Variants in DOCK3 observed in about 807,000 individuals in gnomAD.
The protein encoded by DOCK3 is dedicator of cytokinesis protein 3.
DOCK3 carries 60 observed loss-of-function variants against 265.6 expected under a neutral mutation model. The ratio of observed to expected loss-of-function variants is 0.23; its 90% confidence interval spans 0.18 to 0.28. DOCK3 has a LOEUF of 0.28. DOCK3 is among the 10% of genes least tolerant of loss of function. The pLI is 1.00. For missense variants in DOCK3, 1,981 were observed against 2,594.3 expected, an observed-to-expected ratio of 0.76 and a Z score of 5.14; for synonymous variants, 881 against 938.0, an observed-to-expected ratio of 0.94 and a Z score of 1.11.
chr3:50,982,066 C>T (rs943904968), intron 5 of DOCK3, among the ~76,000 whole-genome samples: 3 of 152,074 alleles, frequency 2.0e-5, no homozygotes, highest in African/African-American at 4.8e-5. Context: ...CCAGGCTGAT[C>T]TTGAACTCTT....
intron 12 of DOCK3, among the ~76,000 whole-genome samples, chr3:51,188,877 T>C (rs1317300815): frequency 6.6e-6 from 1 of 152,224 alleles, no homozygotes; most frequent in Non-Finnish European, 1.5e-5. Flanking sequence ...ATATCTTTGC[T>C]ATTGTGAATA....
intron 2 of DOCK3, among the ~76,000 whole-genome samples, chr3:50,785,304 T>C (rs1054748594): frequency 2.6e-5 from 4 of 152,230 alleles, no homozygotes; most frequent in South Asian, 2.1e-4. Context: ...TCGGATGTCC[T>C]TTATTTCTTT....
At chr3:51,355,209 GT>G (rs2086281815) in intron 41 of DOCK3, among the ~76,000 whole-genome samples, 186 bp downstream of exon 41, 1 of 152,234 alleles carries the variant, frequency 6.6e-6, no homozygotes, top group African/African-American at 2.4e-5. Flanking sequence ...AGAGGAAGCA[GT>G]GGCACGCCCT....
chr3:50,694,509 T>G (rs1172669777), intron 1 of DOCK3, among the ~76,000 whole-genome samples: 2 of 151,810 alleles, frequency 1.3e-5, no homozygotes, highest in Non-Finnish European at 2.9e-5. Context: ...TGGAGCGCAT[T>G]AAAGAATGGG....
intron 9 of DOCK3, among the ~76,000 whole-genome samples, chr3:51,117,984 T>A (rs1337292173): frequency 6.6e-6 from 1 of 152,194 alleles, no homozygotes; most frequent in East Asian, 1.9e-4. Context: ...CTGAGTTATT[T>A]CTTGTTTTCT....
intron 19 of DOCK3, among the ~76,000 whole-genome samples, chr3:51,234,652 T>A (rs540861340): frequency 6.6e-6 from 1 of 152,338 alleles, no homozygotes; most frequent in South Asian, 2.1e-4. Context: ...CTCATTAACT[T>A]GTACCTGCTG....
chr3:50,804,590 C>T (rs2043294196), intron 2 of DOCK3, among the ~76,000 whole-genome samples: 1 of 152,124 alleles, frequency 6.6e-6, no homozygotes, highest in Non-Finnish European at 1.5e-5. Context: ...TATACGAAAA[C>T]CAGTCAGGCG....
chr3:50,861,183 G>A (rs1160813812), intron 3 of DOCK3, among the ~76,000 whole-genome samples: 1 of 152,086 alleles, frequency 6.6e-6, no homozygotes, highest in Non-Finnish European at 1.5e-5. Flanking sequence ...GTGGGTCGTT[G>A]TCCTGTCTTG....
At position 51,063,251 on chromosome 3, in the gene DOCK3, C is replaced by T. The variant is rs143728021; in HGVS notation, c.316-1197C>T. ...ATATTAGCCAGGCCTGTAATCCGAGCCACTCAGGAGGCTGAGTTGAGGGGA... is the reference window on the plus strand; with the variant it reads ...ATATTAGCCAGGCCTGTAATCCGAGTCACTCAGGAGGCTGAGTTGAGGGGA... On this transcript the variant is annotated intron_variant, in intron 5 of 52. Transcript: ENST00000266037. 8.8e-3 allele frequency among the ~76,000 whole-genome samples: 1,331 copies of T among 152,064 alleles called. 25 individuals are homozygous for T. Among genetic ancestry groups the T allele is most frequent in the African/African-American group, 0.029 (1,186 of 41,438 alleles).
At chr3:51,026,328 C>G (rs979556624) in intron 5 of DOCK3, among the ~76,000 whole-genome samples, 1 of 151,660 alleles carries the variant, frequency 6.6e-6, no homozygotes, top group African/African-American at 2.4e-5. Context: ...GGAATAAAGC[C>G]CATTTGATCA....
chr3:50,710,214 G>A (rs2036665587), intron 1 of DOCK3, among the ~76,000 whole-genome samples: 1 of 152,118 alleles, frequency 6.6e-6, no homozygotes, highest in Admixed American at 6.6e-5. Flanking sequence ...GAAATAATCA[G>A]CAGAGTAAAC....
intron 10 of DOCK3, among the ~76,000 whole-genome samples, chr3:51,152,812 G>T (rs762892754): frequency 6.6e-6 from 1 of 152,196 alleles, no homozygotes; most frequent in Admixed American, 6.5e-5. Context: ...GTTTGCCTGA[G>T]TATCACCAGC....
At chr3:51,220,707 G>GTA (rs1480666363) in intron 14 of DOCK3, among the ~76,000 whole-genome samples, 6 of 130,450 alleles carry the variant, frequency 4.6e-5, no homozygotes, top group East Asian at 2.8e-4. Context: ...GTGTGTGTGT[G>GTA]TGTATATATA....
At chr3:51,341,128 C>T in intron 37 of DOCK3, 109 bp from the exon 38 acceptor site, 1 of 1,358,720 alleles carries the variant, frequency 7.4e-7, no homozygotes, top group Non-Finnish European at 9.8e-7. Flanking sequence ...ACCTGGGCTG[C>T]ACATGACTTG....
intron 22 of DOCK3, among the ~76,000 whole-genome samples, chr3:51,254,905 T>G (rs1174144704): frequency 6.6e-6 from 1 of 152,230 alleles, no homozygotes; most frequent in Non-Finnish European, 1.5e-5. Flanking sequence ...TTTGATCCTG[T>G]CATTATGATG....
At chr3:51,342,691 G>A (rs2085318683) in intron 38 of DOCK3, among the ~76,000 whole-genome samples, 2 of 152,176 alleles carry the variant, frequency 1.3e-5, no homozygotes, top group Non-Finnish European at 2.9e-5. Context: ...GAGCATTGAT[G>A]GTCCCCTATT....
intron 1 of DOCK3, among the ~76,000 whole-genome samples, chr3:50,709,493 C>G (rs1230038294): frequency 6.6e-6 from 1 of 152,098 alleles, no homozygotes; most frequent in Non-Finnish European, 1.5e-5. Flanking sequence ...GCGTTCAGTC[C>G]TTCACCATTA....
intron 12 of DOCK3, among the ~76,000 whole-genome samples, chr3:51,193,061 T>C (rs2088046630): frequency 6.6e-6 from 1 of 152,206 alleles, no homozygotes; most frequent in Non-Finnish European, 1.5e-5. Flanking sequence ...GTTTGTTGTA[T>C]GTGGCCTTTA....
At chr3:50,767,606 G>A (rs572860902) in intron 1 of DOCK3, among the ~76,000 whole-genome samples, 11 of 152,136 alleles carry the variant, frequency 7.2e-5, no homozygotes, top group Admixed American at 1.3e-4. Context: ...ATGCGGGCCC[G>A]TTTTTGGTTC....
Sources: allele counts gnomAD v4.1 joint callset (sites outside exome capture counted in the v4.1 genomes callset), GRCh38; gene constraint gnomAD v4.1.1; transcripts MANE v1.5; gene names NCBI Gene and HGNC (gene_info 2026-07-23, HGNC 2026-07-21).